SNX18: variants seen among roughly 807,000 people sequenced by gnomAD.
The protein encoded by SNX18 is sorting nexin 18.
A neutral mutation model predicts 48.7 loss-of-function variants in SNX18; 35 were observed. The ratio of observed to expected loss-of-function variants is 0.72; its 90% CI spans 0.55 to 0.95. The LOEUF (loss-of-function observed/expected upper bound fraction) is 0.95. SNX18 is among the 40% of genes least tolerant of loss of function. The probability of loss-of-function intolerance (pLI) is 0.00; values close to 1 mark genes in which losing one functional copy is unlikely to be tolerated. For synonymous variants in SNX18, 492 were observed against 384.7 expected (o/e 1.28, Z -3.26); for missense variants, 824 against 871.0 (o/e 0.95, Z 0.68).
chr5:54,624,441 C>G, the SNX18 span, among the ~76,000 whole-genome samples: 1 of 152,138 alleles, frequency 6.6e-6, no homozygotes, highest in Non-Finnish European at 1.5e-5. Context: ...ATGTATTTAC[C>G]ATGAGCCAGG....
Position 54,518,492 on chromosome 5 carries a change from C to T in SNX18, c.540C>T (p.Asp180=), listed in dbSNP as rs748613247. The change falls in exon 1 of 2, where the codon GAC becomes GAT. Residue 180 remains aspartate (D), a synonymous_variant. Transcript: ENST00000381410. ...GCAGCGGAGCATACCCGGACCTCGA[C>T]GGCTCGTCTTCGGCGGGTGTGGGCG... is the stretch of plus-strand genomic sequence containing the variant. ...ALGSGAYPDL[D]GSSSAGVGAA... is the part of the protein sequence containing the mutation. 7.6e-6 allele frequency: 12 copies of T among 1,570,536 alleles called. No homozygotes were observed. In the South Asian group the frequency reaches 1.0e-4, roughly 13 times the overall value.
intron 1 of SNX18, among the ~76,000 whole-genome samples, chr5:54,537,853 A>G (rs1580106502): frequency 6.6e-6 from 1 of 152,362 alleles, no homozygotes; most frequent in East Asian, 1.9e-4. Flanking sequence ...TTAAAAAACA[A>G]TGCAGTACAG....
At chr5:54,621,771 T>C in the SNX18 span, among the ~76,000 whole-genome samples, 9 of 152,220 alleles carry the variant, frequency 5.9e-5, no homozygotes, top group African/African-American at 2.2e-4. Flanking sequence ...CTTGATGAGA[T>C]GGGTGGGTTG....
chr5:54,541,654 T>C (rs1448930606), intron 1 of SNX18, among the ~76,000 whole-genome samples: 3 of 152,180 alleles, frequency 2.0e-5, no homozygotes, highest in African/African-American at 7.2e-5. Context: ...GTACATGTGT[T>C]CTTGTTTCAG....
the SNX18 span, among the ~76,000 whole-genome samples, chr5:54,580,508 G>A: frequency 1.3e-5 from 2 of 152,086 alleles, no homozygotes; most frequent in Non-Finnish European, 2.9e-5. Flanking sequence ...TCATTCAGTA[G>A]CTAGGTGAGA....
chr5:54,569,631 C>T, the SNX18 span, among the ~76,000 whole-genome samples: 1 of 152,106 alleles, frequency 6.6e-6, no homozygotes, highest in Non-Finnish European at 1.5e-5. Context: ...GAATTCTGAG[C>T]TCACTGGGTT....
the SNX18 span, among the ~76,000 whole-genome samples, chr5:54,576,549 G>A: frequency 6.6e-6 from 1 of 152,160 alleles, no homozygotes; most frequent in Non-Finnish European, 1.5e-5. Context: ...TAACGGCACT[G>A]GTGGGGACTA....
the SNX18 span, among the ~76,000 whole-genome samples, chr5:54,606,726 C>T: frequency 5.9e-5 from 9 of 152,318 alleles, no homozygotes; most frequent in South Asian, 1.9e-3. Context: ...CCCAATGTAA[C>T]ATTTTACAAA....
At chr5:54,640,193 C>T in the SNX18 span, among the ~76,000 whole-genome samples, 1 of 150,656 alleles carries the variant, frequency 6.6e-6, no homozygotes, top group African/African-American at 2.5e-5. Context: ...AAGTTCATCA[C>T]TGTCTAGAAA....
At chr5:54,634,171 C>T in the SNX18 span, among the ~76,000 whole-genome samples, 1 of 152,214 alleles carries the variant, frequency 6.6e-6, no homozygotes, top group African/African-American at 2.4e-5. Context: ...CATATACACA[C>T]TTTTTCCAGC....
chr5:54,534,679 T>C (rs1347801456), intron 1 of SNX18, among the ~76,000 whole-genome samples: 2 of 137,494 alleles, frequency 1.5e-5, no homozygotes, highest in East Asian at 2.4e-4. Context: ...TTTTTTGTTT[T>C]GTTTTTTTTT....
intron 1 of SNX18, among the ~76,000 whole-genome samples, chr5:54,538,729 T>G (rs1163071356): frequency 6.6e-6 from 1 of 152,238 alleles, no homozygotes; most frequent in Non-Finnish European, 1.5e-5. Context: ...TTAACAGCCA[T>G]TCGCTTCAAT....
chr5:54,596,577 C>T, the SNX18 span, among the ~76,000 whole-genome samples: 1 of 152,152 alleles, frequency 6.6e-6, no homozygotes, highest in African/African-American at 2.4e-5. Context: ...AGCTCTGGTA[C>T]CATAGCAGCA....
the SNX18 span, among the ~76,000 whole-genome samples, chr5:54,621,674 A>G: frequency 3.9e-4 from 60 of 152,160 alleles, no homozygotes; most frequent in Non-Finnish European, 7.6e-4. Flanking sequence ...AGAAAGTGCA[A>G]TGAAAGGGCA....
the SNX18 span, among the ~76,000 whole-genome samples, chr5:54,623,169 C>A: frequency 1.3e-5 from 2 of 152,124 alleles, no homozygotes; most frequent in African/African-American, 4.8e-5. Flanking sequence ...AGGGCCAAGA[C>A]AGATGGCCAG....
the SNX18 span, among the ~76,000 whole-genome samples, chr5:54,596,885 G>T: frequency 6.6e-6 from 1 of 152,266 alleles, no homozygotes; most frequent in East Asian, 1.9e-4. Context: ...TAGTATCTGG[G>T]ACTGGTGACC....
the SNX18 span, among the ~76,000 whole-genome samples, chr5:54,591,201 A>G: frequency 6.6e-6 from 1 of 151,220 alleles, no homozygotes; most frequent in African/African-American, 2.4e-5. Flanking sequence ...TTTTTTTGAG[A>G]CACGCTTTTG....
chr5:54,542,684 T>C (rs1466446416), intron 1 of SNX18, among the ~76,000 whole-genome samples: 1 of 152,212 alleles, frequency 6.6e-6, no homozygotes, highest in African/African-American at 2.4e-5. Flanking sequence ...TGGTACTAAC[T>C]TGTTTCAGAG....
At chr5:54,519,776 A>G (rs1725214468) in intron 1 of SNX18, 4 of 1,614,110 alleles carry the variant, frequency 2.5e-6, no homozygotes, top group South Asian at 1.1e-5. Context: ...ATCTTGCATT[A>G]GGGAATGAGT....
Sources: gnomAD v4.1 joint callset for allele counts (sites outside exome capture counted in the v4.1 genomes callset) on GRCh38, gnomAD v4.1.1 for gene constraint, MANE v1.5 for transcripts, NCBI Gene and HGNC (gene_info 2026-07-23, HGNC 2026-07-21) for gene names.